PID1: variants seen among roughly 807,000 people sequenced by gnomAD.
PID1 encodes the protein PTB-containing, cubilin and LRP1-interacting protein.
In PID1, 10 loss-of-function variants were observed where a neutral mutation model predicts 19.1. That is an observed-to-expected ratio of 0.52 (90% CI 0.32 to 0.89). The LOEUF is 0.89. Among genes scored for constraint, PID1 ranks in the 40% least tolerant of loss-of-function variants. PID1 has a pLI of 0.03. For synonymous variants in PID1, 130 were observed against 116.0 expected (o/e 1.12, Z -0.78); for missense variants, 248 against 285.3 (o/e 0.87, Z 0.94).
At chr2:229,248,704 T>A (rs1690067026) in intron 1 of PID1, among the ~76,000 whole-genome samples, 1 of 152,214 alleles carries the variant, frequency 6.6e-6, no homozygotes, top group Admixed American at 6.5e-5. Flanking sequence ...CTTATCTATT[T>A]ATTTGTTTGC....
At chr2:229,230,299 GAGAA>G (rs146036492) in intron 1 of PID1, among the ~76,000 whole-genome samples, 6,775 of 152,282 alleles carry the variant, frequency 0.044, 189 homozygotes, top group Middle Eastern at 0.12. Flanking sequence ...AGAAACGAGA[GAGAA>G]AGAAAGAGAG....
chr2:229,057,534 G>T (rs1289761511), intron 2 of PID1, among the ~76,000 whole-genome samples: 12 of 150,838 alleles, frequency 8.0e-5, no homozygotes, highest in African/African-American at 2.7e-4. Context: ...TCAAAATAAA[G>T]ATATGCACTG....
At chr2:229,096,935 C>T (rs115457706) in intron 2 of PID1, among the ~76,000 whole-genome samples, 5,755 of 152,102 alleles carry the variant, frequency 0.038, 161 homozygotes, top group Middle Eastern at 0.079. Flanking sequence ...AAGAGCAAAG[C>T]GGGAACATAC....
intron 1 of PID1, among the ~76,000 whole-genome samples, chr2:229,252,237 G>A (rs552721141): frequency 3.9e-5 from 6 of 152,348 alleles, no homozygotes; most frequent in Admixed American, 1.3e-4. Flanking sequence ...GGGAAAGGAG[G>A]AAGAGAGAAG....
At chr2:229,189,346 CTG>C (rs1691207313) in intron 1 of PID1, among the ~76,000 whole-genome samples, 1 of 152,206 alleles carries the variant, frequency 6.6e-6, no homozygotes, top group African/African-American at 2.4e-5. Flanking sequence ...CAGAGAAACA[CTG>C]TGGCTGTGTC....
At chr2:229,077,661 T>C (rs1694586828) in intron 2 of PID1, among the ~76,000 whole-genome samples, 1 of 152,216 alleles carries the variant, frequency 6.6e-6, no homozygotes, top group Non-Finnish European at 1.5e-5. Context: ...CAATTGCTTG[T>C]TTCTGTAAGG....
At chr2:229,107,789 G>A (rs146740899) in intron 2 of PID1, among the ~76,000 whole-genome samples, 103 of 152,290 alleles carry the variant, frequency 6.8e-4, no homozygotes, top group Non-Finnish European at 1.2e-3. Flanking sequence ...TCTATGGAAC[G>A]GCAGCATTGG....
intron 2 of PID1, among the ~76,000 whole-genome samples, chr2:229,135,540 C>T (rs1382084299): frequency 6.6e-6 from 1 of 152,108 alleles, no homozygotes; most frequent in Non-Finnish European, 1.5e-5. Flanking sequence ...CCCAGATAGA[C>T]TATTGTATGA....
intron 2 of PID1, among the ~76,000 whole-genome samples, chr2:229,057,600 T>C (rs989315331): frequency 4.6e-5 from 3 of 65,782 alleles, no homozygotes; most frequent in African/African-American, 8.1e-5. Flanking sequence ...ACTAAAATTA[T>C]GAAAAAATAA....
At chr2:229,205,257 CT>C (rs1481306926) in intron 1 of PID1, among the ~76,000 whole-genome samples, 6 of 148,136 alleles carry the variant, frequency 4.1e-5, no homozygotes, top group Non-Finnish European at 7.5e-5. Context: ...CACACACATA[CT>C]ACATACACAC....
At chr2:229,258,488 G>A (rs1688190287) in intron 1 of PID1, among the ~76,000 whole-genome samples, 1 of 152,184 alleles carries the variant, frequency 6.6e-6, no homozygotes, top group Non-Finnish European at 1.5e-5. Flanking sequence ...CAGAAACAGT[G>A]TATTGTTTAG....
intron 1 of PID1, among the ~76,000 whole-genome samples, chr2:229,173,747 C>G (rs1246837767): frequency 1.3e-5 from 2 of 152,168 alleles, no homozygotes; most frequent in Non-Finnish European, 2.9e-5. Context: ...CTCAGGCCTC[C>G]CCACTTCGGT....
chr2:229,237,006 ACAC>A (rs1689716212), intron 1 of PID1, among the ~76,000 whole-genome samples: 1 of 151,576 alleles, frequency 6.6e-6, no homozygotes, highest in Non-Finnish European at 1.5e-5. Context: ...ACACACACAC[ACAC>A]ACACACACAC....
At chr2:229,160,372 G>GA (rs199717832) in intron 1 of PID1, among the ~76,000 whole-genome samples, 1 of 124,046 alleles carries the variant, frequency 8.1e-6, no homozygotes, top group East Asian at 1.9e-4. Flanking sequence ...AAAGAAAAAA[G>GA]AAAAGCTAAA....
intron 1 of PID1, among the ~76,000 whole-genome samples, chr2:229,156,913 G>C (rs1690384538): frequency 6.6e-6 from 1 of 152,284 alleles, no homozygotes; most frequent in East Asian, 1.9e-4. Flanking sequence ...ATAAACCAAA[G>C]ACACTTGTGC....
intron 2 of PID1, among the ~76,000 whole-genome samples, chr2:229,154,329 T>G (rs546775308): frequency 3.3e-5 from 5 of 151,758 alleles, no homozygotes; most frequent in Non-Finnish European, 7.4e-5. Flanking sequence ...GCCCATTCCC[T>G]GTTGTTCCCA....
chr2:229,070,672 G>A (rs1299874630), intron 2 of PID1, among the ~76,000 whole-genome samples: 3 of 152,110 alleles, frequency 2.0e-5, no homozygotes, highest in African/African-American at 7.2e-5. Flanking sequence ...ACATAATGAG[G>A]CCTTCTGGGG....
chr2:229,107,139 T>C (rs1448480512), intron 2 of PID1, among the ~76,000 whole-genome samples: 1 of 152,128 alleles, frequency 6.6e-6, no homozygotes, highest in Non-Finnish European at 1.5e-5. Flanking sequence ...CACCAGAAGC[T>C]GGAAGAGGCA....
Position 229,025,926 on chromosome 2 carries a change from C to T in PID1, c.360G>A (p.Glu120=). ...GGAAGGTATCCATGTGCACTGTGGC[C>T]TCCCCTTTGTGGTCGAGATGATGGA... ...VWLHHLDHKG[E]ATVHMDTFQV... Residue 120 remains glutamate, a synonymous_variant, in exon 3 of 3, where the codon GAG becomes GAA. Coordinates refer to ENST00000392055, the MANE Select transcript of PID1 (RefSeq NM_001100818.2). The T allele has an allele frequency of 1.9e-6, 3 of 1,614,160 alleles. No individual in the cohort carries two copies. Among genetic ancestry groups the T allele is most frequent in the Non-Finnish European group, 2.5e-6 (3 of 1,179,992 alleles).
Sources: gnomAD v4.1 joint callset for allele counts (sites outside exome capture counted in the v4.1 genomes callset) on GRCh38, gnomAD v4.1.1 for gene constraint, MANE v1.5 for transcripts, NCBI Gene and HGNC (gene_info 2026-07-23, HGNC 2026-07-21) for gene names.